Variants in UMAD1 observed in about 807,000 individuals in gnomAD.
UMAD1 encodes the protein UBAP1-MVB12-associated (UMA) domain containing 1.
Under a neutral mutation model 6.1 loss-of-function variants are expected in UMAD1, and 8 were observed. The ratio of observed to expected loss-of-function variants is 1.30; its 90% CI spans 0.76 to 2.35. The LOEUF (loss-of-function observed/expected upper bound fraction) is 2.35. UMAD1 is among the 30% of genes most tolerant of loss of function. The probability of loss-of-function intolerance (pLI) is 0.00; values close to 1 mark genes in which losing one functional copy is unlikely to be tolerated. For missense variants in UMAD1, 130 were observed against 78.4 expected, an observed-to-expected ratio of 1.66 and a Z score of -2.49; for synonymous variants, 56 against 31.4, an observed-to-expected ratio of 1.78 and a Z score of -2.61.
chr7:7,823,111 G>T (rs1563235369), intron 3 of UMAD1, among the ~76,000 whole-genome samples: 1 of 152,070 alleles, frequency 6.6e-6, no homozygotes, highest in Admixed American at 6.6e-5. Context: ...TCCCAATGTT[G>T]TTGGGAAAGT....
intron 2 of UMAD1, among the ~76,000 whole-genome samples, chr7:7,788,153 T>C (rs1477613286): frequency 6.6e-6 from 1 of 152,212 alleles, no homozygotes; most frequent in East Asian, 1.9e-4. Flanking sequence ...GAACAACAAC[T>C]ATTAAACAAG....
At chr7:7,759,340 A>C (rs1391960101) in intron 2 of UMAD1, among the ~76,000 whole-genome samples, 1 of 152,190 alleles carries the variant, frequency 6.6e-6, no homozygotes, top group African/African-American at 2.4e-5. Context: ...CATATAAATA[A>C]TATATTTTAA....
At chr7:7,811,914 G>C (rs571030236) in intron 3 of UMAD1, among the ~76,000 whole-genome samples, 35 of 152,106 alleles carry the variant, frequency 2.3e-4, no homozygotes, top group African/African-American at 8.4e-4. Context: ...ATTTCTTTTA[G>C]TCTATAGGTA....
intron 2 of UMAD1, among the ~76,000 whole-genome samples, chr7:7,759,693 C>T (rs537690558): frequency 4.8e-4 from 73 of 152,180 alleles, no homozygotes; most frequent in Middle Eastern, 3.4e-3. Flanking sequence ...TAAGCTGGTC[C>T]TTTAGGGATG....
At chr7:7,697,660 A>G (rs2115148145) in intron 2 of UMAD1, among the ~76,000 whole-genome samples, 1 of 152,356 alleles carries the variant, frequency 6.6e-6, no homozygotes, top group Middle Eastern at 3.4e-3. Flanking sequence ...CATTCATGTG[A>G]CATTGGCACC....
At chr7:7,681,827 G>A (rs780002619) in intron 2 of UMAD1, among the ~76,000 whole-genome samples, 1 of 152,092 alleles carries the variant, frequency 6.6e-6, no homozygotes, top group African/African-American at 2.4e-5. Context: ...TACTAGTGTA[G>A]TGGCAAGCTC....
At chr7:7,729,033 A>C (rs1781196292) in intron 2 of UMAD1, among the ~76,000 whole-genome samples, 1 of 152,224 alleles carries the variant, frequency 6.6e-6, no homozygotes, top group African/African-American at 2.4e-5. Context: ...CCAAATGTGG[A>C]AGATTGAGTA....
At chr7:7,840,386 C>T (rs917078294) in intron 3 of UMAD1, among the ~76,000 whole-genome samples, 2 of 152,084 alleles carry the variant, frequency 1.3e-5, no homozygotes, top group Non-Finnish European at 2.9e-5. Context: ...CCCGGCCCCA[C>T]CCCAGACCAA....
chr7:7,665,725 TA>T, intron 1 of UMAD1, among the ~76,000 whole-genome samples: 1 of 152,276 alleles, frequency 6.6e-6, no homozygotes, highest in African/African-American at 2.4e-5. Context: ...ACCTCTGATA[TA>T]CTTTCTTTCA....
At chr7:7,773,075 A>C (rs1306239543) in intron 2 of UMAD1, among the ~76,000 whole-genome samples, 1 of 152,356 alleles carries the variant, frequency 6.6e-6, no homozygotes, top group East Asian at 1.9e-4. Flanking sequence ...TTTTTGTAAC[A>C]AGTGCAAACT....
At chr7:7,665,395 A>G (rs1779418202) in intron 1 of UMAD1, among the ~76,000 whole-genome samples, 1 of 152,210 alleles carries the variant, frequency 6.6e-6, no homozygotes, top group Admixed American at 6.5e-5. Context: ...CAGAAAAGAA[A>G]CATTTTGCTT....
At chr7:7,789,340 A>C (rs10276007) in intron 2 of UMAD1, among the ~76,000 whole-genome samples, 1 of 145,898 alleles carries the variant, frequency 6.9e-6, no homozygotes, top group South Asian at 2.1e-4. Context: ...TAAAATAACA[A>C]TGTGAATATG....
intron 2 of UMAD1, among the ~76,000 whole-genome samples, chr7:7,723,778 A>G (rs1463811997): frequency 1.3e-5 from 2 of 152,198 alleles, no homozygotes. Context: ...AAGGCAAGGT[A>G]GGCATAGCTA....
rs906002080 is a variant in UMAD1 at position 7,710,259 on chromosome 7, A to G, written c.82+36806A>G. On this transcript the variant is annotated intron_variant, in intron 2 of 3. Coordinates refer to ENST00000682710, the MANE Select transcript of UMAD1 (RefSeq NM_001302348.2). ...GTTACTGAACATTAGTAGGCAGAAGAAAAAACAAAACACCTTGATCTGTGT... is the reference window on the plus strand; with the variant it reads ...GTTACTGAACATTAGTAGGCAGAAGGAAAAACAAAACACCTTGATCTGTGT... 2.0e-5 allele frequency among the ~76,000 whole-genome samples: 3 copies of G among 152,212 alleles called. No homozygotes were observed. The East Asian group carries it at 5.8e-4, about 29-fold the overall frequency.
chr7:7,856,701 A>G (rs889705018), intron 3 of UMAD1, among the ~76,000 whole-genome samples: 1 of 152,090 alleles, frequency 6.6e-6, no homozygotes, highest in Admixed American at 6.5e-5. Context: ...TTTTTATTCT[A>G]TTGATGTGAT....
intron 3 of UMAD1, among the ~76,000 whole-genome samples, chr7:7,831,190 T>A (rs1161356909): frequency 6.6e-6 from 1 of 152,224 alleles, no homozygotes; most frequent in Non-Finnish European, 1.5e-5. Flanking sequence ...AGTTTTACTC[T>A]GTTTTAGCCT....
intron 1 of UMAD1, among the ~76,000 whole-genome samples, chr7:7,642,959 C>T (rs35202374): frequency 0.18 from 27,202 of 152,032 alleles, 2,634 homozygotes; most frequent in Middle Eastern, 0.23. Context: ...TATCTTCTGA[C>T]TTCTTTTGTT....
intron 2 of UMAD1, among the ~76,000 whole-genome samples, chr7:7,700,246 A>G (rs1419243375): frequency 6.6e-6 from 1 of 152,140 alleles, no homozygotes; most frequent in African/African-American, 2.4e-5. Context: ...CACATGTTGG[A>G]AGGGTCAGGG....
At chr7:7,690,890 AAT>A (rs1780158008) in intron 2 of UMAD1, among the ~76,000 whole-genome samples, 1 of 152,220 alleles carries the variant, frequency 6.6e-6, no homozygotes, top group Non-Finnish European at 1.5e-5. Context: ...CTGTTATGAA[AAT>A]ATGTAAATAC....
Sources: allele counts gnomAD v4.1 joint callset (sites outside exome capture counted in the v4.1 genomes callset), GRCh38; gene constraint gnomAD v4.1.1; transcripts MANE v1.5; gene names NCBI Gene and HGNC (gene_info 2026-07-23, HGNC 2026-07-21).